CNTN4: variants seen among roughly 807,000 people sequenced by gnomAD.
CNTN4 encodes contactin 4, also known as contactin-4.
A neutral mutation model predicts 122.5 loss-of-function variants in CNTN4; 77 were observed. That is an observed-to-expected ratio of 0.63 (90% CI 0.52 to 0.76). CNTN4 has a LOEUF of 0.76. Among genes scored for constraint, CNTN4 ranks in the 30% least tolerant of loss-of-function variants. The pLI is 0.00. For missense variants in CNTN4, 1,256 were observed against 1,259.1 expected (o/e 1.00, Z 0.04); for synonymous variants, 512 against 447.0 (o/e 1.15, Z -1.83).
At chr3:2,326,052 AT>A (rs35456186) in intron 2 of CNTN4, among the ~76,000 whole-genome samples, 53,679 of 151,982 alleles carry the variant, frequency 0.35, 10,387 homozygotes, top group East Asian at 0.8. Context: ...ATTTGATCAC[AT>A]TATTAGTCTG....
intron 6 of CNTN4, among the ~76,000 whole-genome samples, chr3:2,769,441 G>A (rs1453525995): frequency 1.3e-5 from 2 of 148,494 alleles, no homozygotes; most frequent in African/African-American, 5.0e-5. Flanking sequence ...CTCCAGCCTG[G>A]GCAACAGAGT....
chr3:2,625,278 C>T (rs1449735913), intron 4 of CNTN4, among the ~76,000 whole-genome samples: 3 of 152,238 alleles, frequency 2.0e-5, no homozygotes, highest in East Asian at 1.9e-4. Flanking sequence ...CCCTGGACAT[C>T]TTGGGACCTC....
At chr3:2,379,006 A>G (rs1280163088) in intron 3 of CNTN4, among the ~76,000 whole-genome samples, 2 of 152,164 alleles carry the variant, frequency 1.3e-5, no homozygotes, top group Non-Finnish European at 2.9e-5. Flanking sequence ...TTTCCTTTTC[A>G]TTGCCATGTA....
At chr3:2,569,275 T>A (rs1407282901) in intron 3 of CNTN4, among the ~76,000 whole-genome samples, 1 of 152,220 alleles carries the variant, frequency 6.6e-6, no homozygotes, top group Non-Finnish European at 1.5e-5. Context: ...CTGGTAAACA[T>A]ACAGGCTTTG....
intron 3 of CNTN4, among the ~76,000 whole-genome samples, chr3:2,482,127 G>C (rs961319868): frequency 6.6e-5 from 10 of 152,132 alleles, no homozygotes; most frequent in African/African-American, 2.4e-4. Context: ...AGAAAATTTG[G>C]AACTTCCTAG....
At chr3:2,513,413 G>A (rs994540890) in intron 3 of CNTN4, among the ~76,000 whole-genome samples, 2 of 147,758 alleles carry the variant, frequency 1.4e-5, no homozygotes, top group Non-Finnish European at 3.0e-5. Flanking sequence ...AATAGGATTA[G>A]TTAAGGTCCA....
At chr3:2,460,177 C>A (rs2049152786) in intron 3 of CNTN4, among the ~76,000 whole-genome samples, 2 of 152,026 alleles carry the variant, frequency 1.3e-5, no homozygotes, top group Non-Finnish European at 2.9e-5. Flanking sequence ...ATTTCTTATC[C>A]TATGTATAGT....
chr3:3,018,081 A>G (rs562814660), intron 14 of CNTN4, among the ~76,000 whole-genome samples: 365 of 152,316 alleles, frequency 2.4e-3, no homozygotes, highest in African/African-American at 7.6e-3. Flanking sequence ...CTCCTTCAAA[A>G]TGTAGATCCT....
intron 13 of CNTN4, among the ~76,000 whole-genome samples, chr3:2,972,223 A>G (rs1208078827): frequency 6.6e-6 from 1 of 152,166 alleles, no homozygotes; most frequent in Non-Finnish European, 1.5e-5. Flanking sequence ...TGAATTTGCT[A>G]TTAACATCAT....
intron 2 of CNTN4, among the ~76,000 whole-genome samples, chr3:2,201,092 G>C (rs918078179): frequency 1.3e-5 from 2 of 152,136 alleles, no homozygotes; most frequent in Non-Finnish European, 1.5e-5. Context: ...GCAAAGGCAC[G>C]AATAGAGTAG....
At chr3:2,938,647 A>G (rs1577339118) in intron 13 of CNTN4, among the ~76,000 whole-genome samples, 1 of 152,308 alleles carries the variant, frequency 6.6e-6, no homozygotes, top group Middle Eastern at 3.4e-3. Context: ...GGACTGGCAT[A>G]GCAGCTTTTC....
chr3:3,053,182 G>A (rs557592937), intron 23 of CNTN4, among the ~76,000 whole-genome samples: 9 of 152,288 alleles, frequency 5.9e-5, no homozygotes, highest in African/African-American at 2.2e-4. Context: ...TTACAGGTGT[G>A]TGCCATCATG....
chr3:2,800,053 G>A (rs996671703), intron 6 of CNTN4, among the ~76,000 whole-genome samples: 2 of 146,640 alleles, frequency 1.4e-5, no homozygotes, highest in African/African-American at 2.5e-5. Context: ...AGTAGAATTC[G>A]AAGTTGGGTA....
intron 12 of CNTN4, among the ~76,000 whole-genome samples, chr3:2,919,210 G>A (rs1242298522): frequency 2.1e-5 from 3 of 143,792 alleles, no homozygotes; most frequent in Non-Finnish European, 4.6e-5. Context: ...AAAATTGCCA[G>A]GTGTGGTGGC....
intron 2 of CNTN4, among the ~76,000 whole-genome samples, chr3:2,122,176 T>C (rs78199701): frequency 0.22 from 33,884 of 151,484 alleles, 4,739 homozygotes; most frequent in Admixed American, 0.32. Flanking sequence ...AAAATTATTT[T>C]TCTTTAAAGG....
intron 12 of CNTN4, among the ~76,000 whole-genome samples, chr3:2,905,603 C>T (rs1210908222): frequency 2.0e-5 from 3 of 152,176 alleles, no homozygotes; most frequent in African/African-American, 4.8e-5. Flanking sequence ...TTTGGAGGGA[C>T]ACAAACATTC....
chr3:2,200,503 T>G (rs1186381860), intron 2 of CNTN4, among the ~76,000 whole-genome samples: 1 of 152,112 alleles, frequency 6.6e-6, no homozygotes, highest in Non-Finnish European at 1.5e-5. Context: ...CATTGGTAAG[T>G]ACAACCCAGG....
chr3:2,229,913 G>A (rs550280940), intron 2 of CNTN4, among the ~76,000 whole-genome samples: 5 of 152,266 alleles, frequency 3.3e-5, no homozygotes, highest in African/African-American at 4.8e-5. Flanking sequence ...GTGTTGTGTA[G>A]CGTACTCCAA....
chr3:2,668,458 A>G (rs542608146), intron 4 of CNTN4, among the ~76,000 whole-genome samples: 4 of 152,160 alleles, frequency 2.6e-5, no homozygotes, highest in Non-Finnish European at 1.5e-5. Flanking sequence ...CTGAGACTTT[A>G]CTGAAGTTGC....
Sources: gnomAD v4.1 joint callset for allele counts (sites outside exome capture counted in the v4.1 genomes callset) on GRCh38, gnomAD v4.1.1 for gene constraint, MANE v1.5 for transcripts, NCBI Gene and HGNC (gene_info 2026-07-23, HGNC 2026-07-21) for gene names.